STPG2: variants seen among roughly 807,000 people sequenced by gnomAD.
STPG2 encodes the protein sperm tail PG-rich repeat containing 2.
A neutral mutation model predicts 54.2 loss-of-function variants in STPG2; 56 were observed. The observed-to-expected ratio is 1.03, with a 90% CI of 0.83 to 1.29. The LOEUF is 1.29. Among genes scored for constraint, STPG2 ranks in the 50% most tolerant of loss-of-function variants. STPG2 has a pLI of 0.00. For synonymous variants in STPG2, 200 were observed against 181.8 expected (o/e 1.10, Z -0.81); for missense variants, 596 against 544.9 (o/e 1.09, Z -0.93).
chr4:97,911,287 G>T (rs1236295463), intron 8 of STPG2, among the ~76,000 whole-genome samples: 1 of 152,232 alleles, frequency 6.6e-6, no homozygotes, highest in African/African-American at 2.4e-5. Context: ...TTCCAATGAG[G>T]CAGGACACCC....
chr4:98,028,039 C>T (rs1018764229), intron 5 of STPG2, among the ~76,000 whole-genome samples: 10 of 152,136 alleles, frequency 6.6e-5, no homozygotes, highest in African/African-American at 2.4e-4. Flanking sequence ...TATTTTTGGC[C>T]TCTTCAGAGA....
intron 4 of STPG2, among the ~76,000 whole-genome samples, chr4:97,490,411 T>C (rs987927904): frequency 6.6e-6 from 1 of 151,520 alleles, no homozygotes; most frequent in Non-Finnish European, 1.5e-5. Flanking sequence ...CTAATTTCCA[T>C]GCCATTACTT....
At position 97,616,057 on chromosome 4, in the gene STPG2, A is replaced by ATATATATAT. The variant is rs1733858264; in HGVS notation, c.1321-56941_1321-56940insATATATATA. Among the ~76,000 whole-genome samples, 9 of 37,394 alleles carry ATATATATAT rather than the reference A, an allele frequency of 2.4e-4. 1 individual carries two copies. Among genetic ancestry groups the ATATATATAT allele is most frequent in the South Asian group, 1.4e-3 (1 of 692 alleles). 24.5% of individuals were successfully genotyped at this position (37,394 alleles called of 152,430 possible). On this transcript the variant is annotated intron_variant, in intron 10 of 10. Transcript: ENST00000295268. ...GTCTCAAAAAAAAAAAATACATATA[A>ATATATATAT]ATATATATATATATATATATATATA...
rs145952784 is a variant in STPG2, at chr4:97,705,900, T to G, written c.1320+6799A>C. On this transcript the variant is annotated intron_variant, in intron 10 of 10. Transcript: ENST00000295268. ...AACAAAGGTAACAGTAACAATAACATATATAACATATCTAATATATAATAA... is the reference window on the plus strand; with the variant it reads ...AACAAAGGTAACAGTAACAATAACAGATATAACATATCTAATATATAATAA... 3.3e-5 allele frequency among the ~76,000 whole-genome samples: 5 copies of G among 152,026 alleles called. No individual in the cohort carries two copies. The East Asian group carries it at 9.7e-4, about 29-fold the overall frequency.
intron 3 of STPG2, among the ~76,000 whole-genome samples, chr4:98,114,752 CAT>C (rs1739460584): frequency 1.9e-4 from 1 of 5,178 alleles, no homozygotes; most frequent in South Asian, 5.8e-3. Flanking sequence ...CAATAATATC[CAT>C]TTTTTTTTTT....
chr4:97,583,347 A>G (rs78578351), intron 10 of STPG2, among the ~76,000 whole-genome samples: 1 of 152,156 alleles, frequency 6.6e-6, no homozygotes, highest in African/African-American at 2.4e-5. Flanking sequence ...GGCCCTTTAC[A>G]ATGCTACACT....
intron 10 of STPG2, among the ~76,000 whole-genome samples, chr4:97,648,859 C>G (rs1721985935): frequency 6.6e-6 from 1 of 152,078 alleles, no homozygotes; most frequent in South Asian, 2.1e-4. Context: ...GTCAGCATCT[C>G]CTTCTCTGGA....
At chr4:97,443,326 A>T (rs946614008) in intron 4 of STPG2, among the ~76,000 whole-genome samples, 1 of 152,212 alleles carries the variant, frequency 6.6e-6, no homozygotes, top group Admixed American at 6.5e-5. Flanking sequence ...ATAAGGCAGG[A>T]TGTCAAGAAA....
chr4:98,081,775 C>A (rs1738350479), intron 5 of STPG2, among the ~76,000 whole-genome samples: 2 of 152,160 alleles, frequency 1.3e-5, no homozygotes, highest in Non-Finnish European at 2.9e-5. Context: ...TAGAATGCTG[C>A]AAACTCTTCT....
intron 9 of STPG2, among the ~76,000 whole-genome samples, chr4:97,804,976 A>G (rs1027643258): frequency 1.3e-5 from 2 of 152,130 alleles, no homozygotes; most frequent in Non-Finnish European, 2.9e-5. Context: ...GGTTTGTGTA[A>G]TTACGCTCTA....
chr4:97,561,497 G>C (rs902290255), intron 10 of STPG2, among the ~76,000 whole-genome samples: 1 of 152,130 alleles, frequency 6.6e-6, no homozygotes, highest in African/African-American at 2.4e-5. Flanking sequence ...ACTGCTTTTG[G>C]TGTTTTAGAC....
chr4:98,040,943 C>A (rs1192834814), intron 5 of STPG2, among the ~76,000 whole-genome samples: 1 of 151,654 alleles, frequency 6.6e-6, no homozygotes, highest in Non-Finnish European at 1.5e-5. Context: ...ATCAGTATTT[C>A]AACAATATTG....
At chr4:98,032,460 T>C (rs1736627448) in intron 5 of STPG2, among the ~76,000 whole-genome samples, 2 of 151,744 alleles carry the variant, frequency 1.3e-5, no homozygotes, top group South Asian at 4.2e-4. Context: ...CAAGTCATAA[T>C]GGAAGACACA....
intron 8 of STPG2, among the ~76,000 whole-genome samples, chr4:97,861,023 C>A (rs1167067970): frequency 6.6e-6 from 1 of 152,086 alleles, no homozygotes; most frequent in African/African-American, 2.4e-5. Flanking sequence ...AAAGCTTCTC[C>A]ACAGCAAAGG....
At chr4:98,095,738 C>T (rs1189639530) in intron 5 of STPG2, among the ~76,000 whole-genome samples, 1 of 152,158 alleles carries the variant, frequency 6.6e-6, no homozygotes, top group African/African-American at 2.4e-5. Context: ...TTCAACACCC[C>T]ACTTTCAGCA....
rs563146183 is a variant in STPG2, at chr4:97,761,673, C to A, written c.1205-48859G>T. Among the ~76,000 whole-genome samples the A allele has an allele frequency of 7.9e-5, 12 of 152,268 alleles. No individual in the cohort carries two copies. The Middle Eastern group carries it at 0.014, about 173-fold the overall frequency. ...ATATCTTGGGAAGCTATTCTTCTGC[C>A]TGCCATAGTCAGTGGGAGAAGTGAT... On this transcript the variant is annotated intron_variant, in intron 9 of 10. Transcript: ENST00000295268.
At chr4:97,921,240 C>A (rs1041040606) in intron 8 of STPG2, among the ~76,000 whole-genome samples, 1 of 152,070 alleles carries the variant, frequency 6.6e-6, no homozygotes, top group African/African-American at 2.4e-5. Flanking sequence ...GCCTCAGGCT[C>A]CAGGCCCACT....
At chr4:98,122,000 G>T (rs749899178) in intron 3 of STPG2, among the ~76,000 whole-genome samples, 1 of 152,092 alleles carries the variant, frequency 6.6e-6, no homozygotes, top group African/African-American at 2.4e-5. Flanking sequence ...GACTACAAGC[G>T]TGAGCCACCA....
intron 4 of STPG2, among the ~76,000 whole-genome samples, chr4:97,542,357 C>G (rs1316196546): frequency 6.6e-6 from 1 of 152,124 alleles, no homozygotes; most frequent in East Asian, 1.9e-4. Context: ...AGCCAACAGA[C>G]ACATGAAAAA....
Sources: gnomAD v4.1 joint callset for allele counts (sites outside exome capture counted in the v4.1 genomes callset) on GRCh38, gnomAD v4.1.1 for gene constraint, MANE v1.5 for transcripts, NCBI Gene and HGNC (gene_info 2026-07-23, HGNC 2026-07-21) for gene names.